Variants in JAG1 observed in about 807,000 individuals in gnomAD.
JAG1 encodes jagged canonical Notch ligand 1.
Under a neutral mutation model 148.7 loss-of-function variants are expected in JAG1, and 23 were observed. That is an observed-to-expected ratio of 0.15 (90% CI 0.11 to 0.22). The LOEUF is 0.22. JAG1 is among the 10% of genes least tolerant of loss of function. The pLI, the probability that JAG1 is intolerant of heterozygous loss-of-function variation, is 1.00. For missense variants in JAG1, 1,054 were observed against 1,611.2 expected, an observed-to-expected ratio of 0.65 and a Z score of 5.92; for synonymous variants, 572 against 598.3, an observed-to-expected ratio of 0.96 and a Z score of 0.64.
At chr20:10,671,326 C>G (rs549048316) in intron 2 of JAG1, among the ~76,000 whole-genome samples, 43 of 152,304 alleles carry the variant, frequency 2.8e-4, no homozygotes, top group Middle Eastern at 3.4e-3. Flanking sequence ...GCCCTTGGAC[C>G]TCAAGAGAGC....
chr20:10,639,868 C>T lies in JAG1; in HGVS notation c.3287G>A (p.Arg1096Gln), dbSNP rs2067258057. ...GTGTGTGTGGCTGCCCGGCTTCCGC[C>T]GCTTCCGCAGGCACCAGTAGAAGGC... The part of the protein sequence containing the change: ...VTAFYWCLRK[R>Q]RKPGSHTHSA... The change falls in exon 26 of 26, where the codon CGG becomes CAG. Residue 1096 changes from arginine (R) to glutamine (Q), a missense_variant. By Grantham distance (43) the Arg-to-Gln change is conservative. Around this residue, in one of 6 missense-constraint regions of JAG1, gnomAD observed 177 missense variants for 177.3 expected, o/e 1.00. Coordinates refer to ENST00000254958, the MANE Select transcript of JAG1 (RefSeq NM_000214.3). 5.0e-6 allele frequency: 8 copies of T among 1,613,998 alleles called. No individual in the cohort carries two copies. The highest frequency in any genetic ancestry group is 4.5e-5 in the East Asian group (2 of 44,888).
chr20:10,639,518 G>A lies in JAG1; in HGVS notation c.3637C>T (p.Arg1213Ter), dbSNP rs769276255. 13 of 1,614,028 alleles carry A rather than the reference G, an allele frequency of 8.1e-6. No homozygotes were observed. The highest frequency in any genetic ancestry group is 4.0e-5 in the African/African-American group (3 of 74,896). Residue 1213 changes from arginine (R) to a stop codon, truncating the protein, a stop_gained, in exon 26 of 26, where the codon CGA becomes TGA. Coordinates refer to ENST00000254958, the MANE Select transcript of JAG1 (RefSeq NM_000214.3). LOFTEE classifies it high-confidence loss of function. ...RDLESAQSLNRMEYIV is the reference protein window; with the variant it reads ...RDLESAQSLN ...GTCTGCTATACGATGTACTCCATTC[G>A]GTTTAAGCTCTGGGCACTTTCCAAG...
At position 10,652,888 on chromosome 20, in the gene JAG1, G is replaced by A. The variant is rs187187743; in HGVS notation, c.756-290C>T. On this transcript the variant is annotated intron_variant, in intron 5 of 25. Transcript: ENST00000254958. ...CTCAGGCTCACACGAGTGAGCCAAA[G>A]GTGAAGGCATGGAATAAATCAACCC... Among the ~76,000 whole-genome samples the A allele has an allele frequency of 3.3e-4, 50 of 152,226 alleles. 2 individuals are homozygous for A. The East Asian group carries it at 8.1e-3, about 25-fold the overall frequency.
intron 19 of JAG1, 42 bp downstream of exon 19, chr20:10,644,315 C>CACAT (rs2067293279): frequency 2.0e-6 from 3 of 1,469,178 alleles, no homozygotes; most frequent in Middle Eastern, 1.7e-4. Context: ...CACACACACA[C>CACAT]GATAGTGGAT....
chr20:10,650,191 T>G, intron 9 of JAG1, 56 bp downstream of exon 9: 5 of 1,140,048 alleles, frequency 4.4e-6, no homozygotes, highest in Non-Finnish European at 6.6e-6. Flanking sequence ...CTGTAATGGC[T>G]TTGACAATCA....
chr20:10,665,784 A>C (rs987062559), intron 2 of JAG1, among the ~76,000 whole-genome samples: 35 of 152,148 alleles, frequency 2.3e-4, no homozygotes, highest in Admixed American at 2.3e-3. Flanking sequence ...CATAATACCC[A>C]CAAACCCCAC....
At chr20:10,657,322 C>A in intron 4 of JAG1, among the ~76,000 whole-genome samples, 1 of 146,916 alleles carries the variant, frequency 6.8e-6, no homozygotes, top group African/African-American at 2.5e-5. Flanking sequence ...ATTGTGCCAT[C>A]ATGGGTGACA....
chr20:10,645,629 A>G lies in JAG1; in HGVS notation c.2000-160T>C. On this transcript the variant is annotated intron_variant, in intron 15 of 25. Transcript: ENST00000254958. This position sits in a 1 kb window ranked among gnomAD's most constrained non-coding sequence, Gnocchi z 6.1. ...AATCAGGCTTTTCCAGGAATAAAGG[A>G]GCTCCCAACTGGGTTACTTTGAATG... is the stretch of plus-strand genomic sequence containing the variant. 2.8e-6 allele frequency: 2 copies of G among 709,122 alleles called. No individual in the cohort carries two copies. The highest frequency in any genetic ancestry group is 5.0e-6 in the Non-Finnish European group (2 of 400,800). 43.9% of individuals were successfully genotyped at this position (709,122 alleles called of 1,614,324 possible). A position where few individuals can be genotyped will look rare whatever the true frequency, so the allele number is the denominator to read the frequency against.
chr20:10,668,652 T>G (rs867902165), intron 2 of JAG1, among the ~76,000 whole-genome samples: 2 of 151,416 alleles, frequency 1.3e-5, no homozygotes, highest in African/African-American at 4.8e-5. Context: ...CTGTGAAGGC[T>G]CCTTGTTACC....
At chr20:10,667,224 G>A (rs1203020941) in intron 2 of JAG1, among the ~76,000 whole-genome samples, 1 of 152,212 alleles carries the variant, frequency 6.6e-6, no homozygotes, top group African/African-American at 2.4e-5. Context: ...GCTGCGACAG[G>A]CAGGCCCGCC....
chr20:10,650,335 G>A lies in JAG1; in HGVS notation c.1146C>T (p.Asn382=), dbSNP rs200133928. 163 of 1,611,818 alleles carry A rather than the reference G, an allele frequency of 1.0e-4. 1 individual carries two copies. In the Middle Eastern group the frequency reaches 1.2e-3, roughly 11 times the overall value. Residue 382 remains asparagine, a synonymous_variant, in exon 9 of 26, where the codon AAC becomes AAT. Transcript: ENST00000254958. ...CCTGGCAGGTGCCCCCGTGGGAACAGTTATTAGGAGAACAGTCATCAATGT... is the reference window on the plus strand; with the variant it reads ...CCTGGCAGGTGCCCCCGTGGGAACAATTATTAGGAGAACAGTCATCAATGT... The part of the protein sequence containing the change: ...STNIDDCSPN[N]CSHGGTCQDL...
At chr20:10,657,239 A>T (rs2067384827) in intron 4 of JAG1, among the ~76,000 whole-genome samples, 2 of 151,936 alleles carry the variant, frequency 1.3e-5, no homozygotes, top group Non-Finnish European at 2.9e-5. Context: ...ATGTGCCTAT[A>T]GTCCCAGCTA....
In JAG1 at chr20:10,664,147, C is replaced by T. The variant is rs189625933; in HGVS notation, c.388-133G>A. On this transcript the variant is annotated intron_variant, in intron 2 of 25. Coordinates refer to ENST00000254958, the MANE Select transcript of JAG1 (RefSeq NM_000214.3). ...AAAATAAAAATTCTGTTGGTTGTTGCATTGAGTTCCTGGATGTTTAAATCC... is the reference window on the plus strand; with the variant it reads ...AAAATAAAAATTCTGTTGGTTGTTGTATTGAGTTCCTGGATGTTTAAATCC... 6.0e-5 allele frequency: 45 copies of T among 756,038 alleles called. No individual in the cohort carries two copies. In the East Asian group the frequency reaches 1.2e-3, roughly 20 times the overall value. The allele number at this position is 756,038 out of a possible 1,614,324, so 46.8% of individuals were successfully genotyped here. A position where few individuals can be genotyped will look rare whatever the true frequency, so the allele number is the denominator to read the frequency against.
chr20:10,667,156 C>T (rs141847346), intron 2 of JAG1, among the ~76,000 whole-genome samples: 111 of 152,360 alleles, frequency 7.3e-4, no homozygotes, highest in African/African-American at 2.2e-3. Flanking sequence ...GCCAAGCTGA[C>T]GGACACAAAT....
At chr20:10,651,518 C>A in intron 8 of JAG1, 63 bp downstream of exon 8, 1 of 1,122,324 alleles carries the variant, frequency 8.9e-7, no homozygotes, top group South Asian at 1.3e-5. Context: ...AGGTACCTCT[C>A]CCCAGCGTGG....
At chr20:10,651,482 C>T in intron 8 of JAG1, 99 bp downstream of exon 8, 1 of 772,856 alleles carries the variant, frequency 1.3e-6, no homozygotes. Flanking sequence ...CCCTCTCTCA[C>T]CGAGACATTC....
At position 10,639,599 on chromosome 20, in the gene JAG1, G is replaced by A. The variant is rs779605827; in HGVS notation, c.3556C>T (p.Pro1186Ser). Residue 1186 changes from proline to serine, a missense_variant, in exon 26 of 26, where the codon CCC (proline) becomes TCC (serine). By Grantham distance (74) the Pro-to-Ser change is moderately conservative. This residue lies in a region of JAG1 where 177 missense variants were observed against 177.3 expected (regional missense o/e 1.00). Coordinates refer to ENST00000254958, the MANE Select transcript of JAG1 (RefSeq NM_000214.3). ...GGGTGTTTTGTCGGCGTGCCGTTGG[G>A]GGGCTTCTCTTCTCTGTCTACCAGC... Reference protein sequence around the residue: ...YTLVDREEKPPNGTPTKHPNW... With the variant: ...YTLVDREEKPSNGTPTKHPNW... The A allele has an allele frequency of 6.2e-7, 1 of 1,614,188 alleles. No individual in the cohort carries two copies. The highest frequency in any genetic ancestry group is 8.5e-7 in the Non-Finnish European group (1 of 1,180,032).
intron 7 of JAG1, 44 bp from the exon 8 acceptor site, chr20:10,651,738 C>T (rs772292652): frequency 4.9e-6 from 6 of 1,235,180 alleles, no homozygotes; most frequent in African/African-American, 4.4e-5. Context: ...GCCTGCACAC[C>T]GTTACCTCCC....
At chr20:10,641,332 C>G (rs2067269929) in intron 23 of JAG1, 88 bp from the exon 24 acceptor site, 7 of 1,567,936 alleles carry the variant, frequency 4.5e-6, no homozygotes, top group Admixed American at 1.7e-5. Context: ...TGGCTAAGTT[C>G]AAGCTTACTT....
Sources: allele counts gnomAD v4.1 joint callset (sites outside exome capture counted in the v4.1 genomes callset), GRCh38; gene constraint gnomAD v4.1.1; regional missense constraint gnomAD v4.1.1; non-coding constraint Gnocchi (gnomAD v3.1); transcripts MANE v1.5; gene names NCBI Gene and HGNC (gene_info 2026-07-23, HGNC 2026-07-21).